SNTG1: variants seen among roughly 807,000 people sequenced by gnomAD.
SNTG1 encodes the protein syntrophin gamma 1.
In SNTG1, 39 loss-of-function variants were observed where a neutral mutation model predicts 74.7. That is an observed-to-expected ratio of 0.52 (90% CI 0.40 to 0.68). The LOEUF is 0.68. Among genes scored for constraint, SNTG1 ranks in the 30% least tolerant of loss-of-function variants. The probability of loss-of-function intolerance (pLI) is 0.00; values close to 1 mark genes in which losing one functional copy is unlikely to be tolerated. For missense variants in SNTG1, 685 were observed against 609.5 expected, an observed-to-expected ratio of 1.12 and a Z score of -1.30; for synonymous variants, 254 against 217.1, an observed-to-expected ratio of 1.17 and a Z score of -1.49.
chr8:49,929,939 T>A (rs886431538), intron 1 of SNTG1, among the ~76,000 whole-genome samples: 8 of 141,748 alleles, frequency 5.6e-5, no homozygotes, highest in Middle Eastern at 7.5e-3. Flanking sequence ...ATTGTTCAAT[T>A]CCCACCTATG....
intron 17 of SNTG1, among the ~76,000 whole-genome samples, chr8:50,739,064 G>C (rs1347453601): frequency 2.0e-5 from 3 of 152,170 alleles, no homozygotes; most frequent in African/African-American, 7.2e-5. Flanking sequence ...TTGACAAATG[G>C]GATCTTGTTA....
intron 2 of SNTG1, among the ~76,000 whole-genome samples, chr8:50,337,339 G>C (rs1013301373): frequency 6.6e-6 from 1 of 152,184 alleles, no homozygotes; most frequent in African/African-American, 2.4e-5. Flanking sequence ...TGAATTGGTG[G>C]TTGCTCAATG....
At chr8:50,342,994 A>C (rs936379434) in intron 2 of SNTG1, among the ~76,000 whole-genome samples, 1 of 152,202 alleles carries the variant, frequency 6.6e-6, no homozygotes, top group African/African-American at 2.4e-5. Flanking sequence ...TTTTAAAGAA[A>C]CCACCTGGGA....
At chr8:50,746,393 A>G (rs868472238) in intron 17 of SNTG1, among the ~76,000 whole-genome samples, 4 of 152,024 alleles carry the variant, frequency 2.6e-5, no homozygotes, top group South Asian at 4.1e-4. Flanking sequence ...ATCATTAACA[A>G]AAAACTGTGA....
chr8:50,222,403 A>C (rs1051805032), intron 2 of SNTG1, among the ~76,000 whole-genome samples: 1 of 152,150 alleles, frequency 6.6e-6, no homozygotes, highest in Admixed American at 6.5e-5. Context: ...CATCTCTTTC[A>C]CTGTCATAAT....
chr8:50,473,545 G>C (rs946172308), intron 8 of SNTG1, among the ~76,000 whole-genome samples: 10 of 152,162 alleles, frequency 6.6e-5, no homozygotes, highest in African/African-American at 2.4e-4. Flanking sequence ...GCTACCATAT[G>C]ATCCAGAGTG....
At chr8:49,916,623 G>A (rs781557934) in intron 1 of SNTG1, among the ~76,000 whole-genome samples, 73 of 152,084 alleles carry the variant, frequency 4.8e-4, no homozygotes, top group Non-Finnish European at 9.4e-4. Flanking sequence ...ATAAGTGCTT[G>A]CCTGGTAAAT....
intron 2 of SNTG1, among the ~76,000 whole-genome samples, chr8:50,315,493 G>T (rs764082132): frequency 1.3e-5 from 2 of 149,746 alleles, no homozygotes; most frequent in Non-Finnish European, 2.9e-5. Flanking sequence ...CTATTTAAGA[G>T]TAGATAAAAA....
intron 3 of SNTG1, among the ~76,000 whole-genome samples, chr8:50,396,038 A>G (rs1267037222): frequency 6.6e-6 from 1 of 152,216 alleles, no homozygotes; most frequent in African/African-American, 2.4e-5. Context: ...GGAAAGATTT[A>G]CAAGAGCTTT....
At chr8:50,493,678 G>A (rs1026219728) in intron 8 of SNTG1, among the ~76,000 whole-genome samples, 13 of 151,258 alleles carry the variant, frequency 8.6e-5, no homozygotes, top group East Asian at 3.9e-4. Flanking sequence ...TAAGGTCAAC[G>A]CTGTATATAA....
intron 2 of SNTG1, among the ~76,000 whole-genome samples, chr8:50,176,657 G>A (rs774701439): frequency 3.3e-5 from 5 of 152,090 alleles, no homozygotes; most frequent in Admixed American, 2.0e-4. Context: ...GGGAAGAAAC[G>A]GTAGTTTCTC....
intron 17 of SNTG1, among the ~76,000 whole-genome samples, chr8:50,736,686 T>G (rs1029400341): frequency 6.6e-6 from 1 of 151,762 alleles, no homozygotes; most frequent in East Asian, 1.9e-4. Flanking sequence ...GAAAAAACAC[T>G]CCCCAGCAAA....
At chr8:50,126,533 A>T (rs2081144999) in intron 1 of SNTG1, among the ~76,000 whole-genome samples, 1 of 152,122 alleles carries the variant, frequency 6.6e-6, no homozygotes, top group East Asian at 1.9e-4. Context: ...ACTTGAGAAG[A>T]TAGAGATTTA....
chr8:50,796,171 A>C lies in SNTG1; in HGVS notation c.*3342A>C, dbSNP rs1802801248. 6.6e-6 allele frequency: 1 copy of C among 152,052 alleles called. No individual in the cohort carries two copies. The highest frequency in any genetic ancestry group is 1.5e-5 in the Non-Finnish European group (1 of 67,966). The allele number at this position is 152,052 out of a possible 1,614,324, so 9.4% of individuals were successfully genotyped here. ...GATTTATTACTGAGAAAAATTAATAATCCTAACGATAATTTAGAATTACTG... is the reference window on the plus strand; with the variant it reads ...GATTTATTACTGAGAAAAATTAATACTCCTAACGATAATTTAGAATTACTG... On this transcript the variant is annotated 3_prime_UTR_variant, in exon 19 of 19. Coordinates refer to ENST00000642720, the MANE Select transcript of SNTG1 (RefSeq NM_018967.5).
rs903320902 is a variant in SNTG1, at chr8:49,973,234, A to G, written c.-103+61003A>G. Among the ~76,000 whole-genome samples, 4 of 152,180 alleles carry G rather than the reference A, an allele frequency of 2.6e-5. No individual in the cohort carries two copies. In the East Asian group the frequency reaches 7.7e-4, roughly 29 times the overall value. ...TGTAGGGACATGGATGAAGCTGGAA[A>G]CCGTCATTCTCAGCAAACTATCACA... On this transcript the variant is annotated intron_variant, in intron 1 of 18. Transcript: ENST00000642720.
chr8:50,335,825 A>ATTTTG (rs2091122707), intron 2 of SNTG1, among the ~76,000 whole-genome samples: 1 of 134,362 alleles, frequency 7.4e-6, no homozygotes. Context: ...TTATTATTTT[A>ATTTTG]TTTTATTTTA....
At chr8:50,129,458 A>T (rs1164765508) in intron 1 of SNTG1, among the ~76,000 whole-genome samples, 1 of 152,138 alleles carries the variant, frequency 6.6e-6, no homozygotes, top group Non-Finnish European at 1.5e-5. Flanking sequence ...TTCATAAAAA[A>T]CATCAGTCTT....
At chr8:50,758,683 TG>T (rs2095588272) in intron 18 of SNTG1, among the ~76,000 whole-genome samples, 1 of 152,120 alleles carries the variant, frequency 6.6e-6, no homozygotes, top group Admixed American at 6.6e-5. Context: ...TAGTATTCCA[TG>T]ATGTATATGT....
intron 2 of SNTG1, among the ~76,000 whole-genome samples, chr8:50,239,909 G>A (rs1023603573): frequency 1.3e-5 from 2 of 152,122 alleles, no homozygotes; most frequent in African/African-American, 4.8e-5. Flanking sequence ...TCAACAGTTA[G>A]AACAGCATCA....
Sources: gnomAD v4.1 joint callset for allele counts (sites outside exome capture counted in the v4.1 genomes callset) on GRCh38, gnomAD v4.1.1 for gene constraint, MANE v1.5 for transcripts, NCBI Gene and HGNC (gene_info 2026-07-23, HGNC 2026-07-21) for gene names.